Variants in GABRR2 observed in about 807,000 individuals in gnomAD.
The protein encoded by GABRR2 is gamma-aminobutyric acid type A receptor subunit rho2.
Under a neutral mutation model 47.0 loss-of-function variants are expected in GABRR2, and 36 were observed. The ratio of observed to expected loss-of-function variants is 0.77; its 90% CI spans 0.59 to 1.01. The LOEUF (loss-of-function observed/expected upper bound fraction) is 1.01. Among genes scored for constraint, GABRR2 ranks in the 50% least tolerant of loss-of-function variants. The probability of loss-of-function intolerance (pLI) is 0.00; values close to 1 mark genes in which losing one functional copy is unlikely to be tolerated. For missense variants in GABRR2, 587 were observed against 594.6 expected, an observed-to-expected ratio of 0.99 and a Z score of 0.13; for synonymous variants, 204 against 227.5, an observed-to-expected ratio of 0.90 and a Z score of 0.93.
Position 89,267,699 on chromosome 6 carries a change from A to C in GABRR2, c.716T>G (p.Leu239Arg). ...LIQKFHTTSR[L>R]AFYSSTGWYN... ...GCTACCAGTGCTGCTGTAGAAGGCC[A>C]GCCTGGAAGTTGTGTGAAATTTCTG... is the stretch of plus-strand genomic sequence containing the variant. The change falls in exon 6 of 9, where the codon CTG (leucine) becomes CGG (arginine). Residue 239 changes from leucine to arginine, a missense_variant. Coordinates refer to ENST00000402938, the MANE Select transcript of GABRR2 (RefSeq NM_002043.5). 6.2e-7 allele frequency: 1 copy of C among 1,613,682 alleles called. No individual in the cohort carries two copies. Among genetic ancestry groups the C allele is most frequent in the Non-Finnish European group, 8.5e-7 (1 of 1,179,762 alleles).
rs143371945 is a variant in GABRR2 at position 89,295,428 on chromosome 6, A to C, written c.220+4331T>G. On this transcript the variant is annotated intron_variant, in intron 2 of 8. Transcript: ENST00000402938. ...ATTTTTTCATGTGTCTGTTGGCTGC[A>C]TTAATGTCTTTTGAGAAGTATCTGT... Among the ~76,000 whole-genome samples, 1,295 of 152,268 alleles carry C rather than the reference A, an allele frequency of 8.5e-3. 21 individuals are homozygous for C. The highest frequency in any genetic ancestry group is 0.03 in the African/African-American group (1,253 of 41,534).
At chr6:89,296,744 G>A (rs570649363) in intron 2 of GABRR2, among the ~76,000 whole-genome samples, 11 of 152,364 alleles carry the variant, frequency 7.2e-5, no homozygotes, top group South Asian at 2.1e-4. Flanking sequence ...AAGGAGCAGC[G>A]TGATGGGGAC....
rs547695088 is a variant in GABRR2, at chr6:89,301,090, C to T, written c.114-1225G>A. Among the ~76,000 whole-genome samples, 6 of 152,258 alleles carry T rather than the reference C, an allele frequency of 3.9e-5. No individual in the cohort carries two copies. The South Asian group carries it at 6.2e-4, about 16-fold the overall frequency. On this transcript the variant is annotated intron_variant, in intron 1 of 8. Coordinates refer to ENST00000402938, the MANE Select transcript of GABRR2 (RefSeq NM_002043.5). ...CAGGATGCAAGTTTGGTTTAACATA[C>T]GCAAATCAATAAATGTGATTCATCA...
rs1773572947 is a variant in GABRR2 at position 89,254,988 on chromosome 6, T to G, written c.*2682A>C. 6.6e-6 allele frequency among the ~76,000 whole-genome samples: 1 copy of G among 152,184 alleles called. No individual in the cohort carries two copies. The highest frequency in any genetic ancestry group is 2.1e-4 in the South Asian group (1 of 4,832). On this transcript the variant is annotated 3_prime_UTR_variant, in exon 9 of 9. Transcript: ENST00000402938. Reference sequence around the variant, plus strand: ...GTTTTAATTTGTGAACAGGCAACTATGTTATATGAGCCATAATGCATGAAA... The same window carrying G: ...GTTTTAATTTGTGAACAGGCAACTAGGTTATATGAGCCATAATGCATGAAA...
chr6:89,284,402 G>T (rs1324693345), intron 2 of GABRR2, among the ~76,000 whole-genome samples: 1 of 152,178 alleles, frequency 6.6e-6, no homozygotes, highest in Admixed American at 6.5e-5. Flanking sequence ...GATGGCAAAG[G>T]AGAACTAAGA....
Position 89,291,701 on chromosome 6 carries a change from A to G in GABRR2, c.220+8058T>C, listed in dbSNP as rs545028013. 2.8e-4 allele frequency among the ~76,000 whole-genome samples: 42 copies of G among 152,126 alleles called. 1 individual carries two copies. Among genetic ancestry groups the G allele is most frequent in the Non-Finnish European group, 5.4e-4 (37 of 67,996 alleles). On this transcript the variant is annotated intron_variant, in intron 2 of 8. Coordinates refer to ENST00000402938, the MANE Select transcript of GABRR2 (RefSeq NM_002043.5). The stretch of plus-strand genomic sequence containing the variant: ...AGCATTCCCTCCTTTCTCTTACTCC[A>G]TCAGTAGAGACACCCTACATCACTT...
intron 2 of GABRR2, among the ~76,000 whole-genome samples, chr6:89,296,425 C>T (rs1774554979): frequency 6.6e-6 from 1 of 152,198 alleles, no homozygotes; most frequent in African/African-American, 2.4e-5. Flanking sequence ...ATCTGGGCAT[C>T]CAGGAAAGCC....
At chr6:89,299,990 C>G in intron 1 of GABRR2, 125 bp from the exon 2 acceptor site, 1 of 656,994 alleles carries the variant, frequency 1.5e-6, no homozygotes, top group Non-Finnish European at 2.7e-6. Flanking sequence ...CTTCTTGGCC[C>G]AGGGGAGAAG....
In GABRR2 at chr6:89,257,647, T is replaced by C; in HGVS notation, c.*23A>G. On this transcript the variant is annotated 3_prime_UTR_variant, in exon 9 of 9. Coordinates refer to ENST00000402938, the MANE Select transcript of GABRR2 (RefSeq NM_002043.5). ...AGGCCCCCTCGATGTCTATGCCCTC[T>C]TCTAGGAACAGCCTTGGAGCCCCTA... 6.3e-7 allele frequency: 1 copy of C among 1,588,812 alleles called. No individual in the cohort carries two copies. Among genetic ancestry groups the C allele is most frequent in the Non-Finnish European group, 8.6e-7 (1 of 1,164,758 alleles).
chr6:89,302,322 C>A, intron 1 of GABRR2: 6 of 563,712 alleles, frequency 1.1e-5, no homozygotes, highest in Middle Eastern at 3.1e-4. Context: ...TGGAGCCCTA[C>A]AACCCCATGC....
chr6:89,277,192 G>A (rs1197738135), intron 2 of GABRR2, among the ~76,000 whole-genome samples: 1 of 152,150 alleles, frequency 6.6e-6, no homozygotes, highest in South Asian at 2.1e-4. Context: ...GTTCTCTCAA[G>A]ATCTGATGGT....
chr6:89,264,918 AC>A (rs1390667092), intron 7 of GABRR2, among the ~76,000 whole-genome samples: 1 of 152,090 alleles, frequency 6.6e-6, no homozygotes, highest in Non-Finnish European at 1.5e-5. Flanking sequence ...CTCTGAAGGA[AC>A]GTTCTCAAAC....
At chr6:89,294,127 G>T (rs547954913) in intron 2 of GABRR2, among the ~76,000 whole-genome samples, 1 of 140,920 alleles carries the variant, frequency 7.1e-6, no homozygotes, top group African/African-American at 2.7e-5. Flanking sequence ...AATTAGTCTG[G>T]GGTATAGTCT....
At chr6:89,262,600 A>G (rs1773774526) in intron 8 of GABRR2, among the ~76,000 whole-genome samples, 1 of 152,190 alleles carries the variant, frequency 6.6e-6, no homozygotes, top group African/African-American at 2.4e-5. Flanking sequence ...GAAATACTTG[A>G]TAGGTATAAT....
At chr6:89,277,500 A>G (rs1481199886) in intron 2 of GABRR2, among the ~76,000 whole-genome samples, 2 of 152,198 alleles carry the variant, frequency 1.3e-5, no homozygotes, top group African/African-American at 2.4e-5. Flanking sequence ...ATAACCCAAT[A>G]CAAAAACAAG....
At position 89,254,816 on chromosome 6, in the gene GABRR2, G is replaced by T. The variant is rs1354931229; in HGVS notation, c.*2854C>A. Among the ~76,000 whole-genome samples the T allele has an allele frequency of 6.6e-6, 1 of 152,094 alleles. No individual in the cohort carries two copies. The highest frequency in any genetic ancestry group is 1.5e-5 in the Non-Finnish European group (1 of 68,016). ...TTCCTACTTTTCTCAAGTAGTGTCAGACTAGTATACTGTAATAAGGCAATG... is the reference window on the plus strand; with the variant it reads ...TTCCTACTTTTCTCAAGTAGTGTCATACTAGTATACTGTAATAAGGCAATG... On this transcript the variant is annotated 3_prime_UTR_variant, in exon 9 of 9. Transcript: ENST00000402938.
In GABRR2 at chr6:89,288,320, G is replaced by A. The variant is rs190175272; in HGVS notation, c.220+11439C>T. Among the ~76,000 whole-genome samples the A allele has an allele frequency of 6.8e-3, 1,035 of 152,286 alleles. 31 individuals carry two copies. The highest frequency in any genetic ancestry group is 0.06 in the Admixed American group (917 of 15,292). On this transcript the variant is annotated intron_variant, in intron 2 of 8. Transcript: ENST00000402938. Reference sequence around the variant, plus strand: ...GAGGGGATCAGAGAGAGGGGAGCCAGAGAGTGGAAAAGGAGGAAAGGAGGA... The same window carrying A: ...GAGGGGATCAGAGAGAGGGGAGCCAAAGAGTGGAAAAGGAGGAAAGGAGGA...
At chr6:89,303,297 G>T (rs894656551) in intron 1 of GABRR2, among the ~76,000 whole-genome samples, 1 of 152,140 alleles carries the variant, frequency 6.6e-6, no homozygotes, top group Non-Finnish European at 1.5e-5. Flanking sequence ...CCTAGGCCAC[G>T]TGTGTGCTGC....
At chr6:89,286,045 C>T (rs1004137927) in intron 2 of GABRR2, among the ~76,000 whole-genome samples, 7 of 151,922 alleles carry the variant, frequency 4.6e-5, no homozygotes, top group Non-Finnish European at 7.4e-5. Flanking sequence ...AACTCTCACC[C>T]TAAAGCCAAT....
Sources: gnomAD v4.1 joint callset for allele counts (sites outside exome capture counted in the v4.1 genomes callset) on GRCh38, gnomAD v4.1.1 for gene constraint, MANE v1.5 for transcripts, NCBI Gene and HGNC (gene_info 2026-07-23, HGNC 2026-07-21) for gene names.